PRMT1: variants seen among roughly 807,000 people sequenced by gnomAD.
PRMT1 encodes protein arginine methyltransferase 1, also known as protein arginine N-methyltransferase 1.
Under a neutral mutation model 47.4 loss-of-function variants are expected in PRMT1, and 5 were observed. That is an observed-to-expected ratio of 0.11 (90% CI 0.06 to 0.22). PRMT1 has a LOEUF of 0.22. Ranked by LOEUF, PRMT1 falls within the 10% of genes least tolerant of loss-of-function variation. The pLI is 1.00. For missense variants in PRMT1, 249 were observed against 518.4 expected, an observed-to-expected ratio of 0.48 and a Z score of 5.05; for synonymous variants, 227 against 204.6, an observed-to-expected ratio of 1.11 and a Z score of -0.94.
At position 49,688,290 on chromosome 19, in the gene PRMT1, CTA is replaced by C. The variant is rs750681224; in HGVS notation, c.*46_*47del. The stretch of plus-strand genomic sequence containing the variant: ...GCACGAGCCCAGGGGCTGAGCGTTC[CTA>C]GGCGGTTTCGGGGCTCCCCCTTCCT... On this transcript the variant is annotated 3_prime_UTR_variant, in exon 11 of 11. Coordinates refer to ENST00000454376, the MANE Select transcript of PRMT1 (RefSeq NM_001536.6). The surrounding 1 kb of genome is among the most constrained non-coding windows in gnomAD (Gnocchi z 5.3). The C allele has an allele frequency of 3.1e-6, 5 of 1,596,888 alleles. No individual in the cohort carries two copies. Among genetic ancestry groups the C allele is most frequent in the Non-Finnish European group, 4.3e-6 (5 of 1,166,718 alleles).
chr19:49,682,952 AT>A (rs992645880), intron 5 of PRMT1, among the ~76,000 whole-genome samples: 4 of 151,636 alleles, frequency 2.6e-5, no homozygotes, highest in South Asian at 4.2e-4. Flanking sequence ...CGCCCGGCTA[AT>A]TTTTTTGTTT....
chr19:49,678,586 T>C (rs1599935926), intron 1 of PRMT1, among the ~76,000 whole-genome samples: 1 of 152,234 alleles, frequency 6.6e-6, no homozygotes, highest in East Asian at 1.9e-4. Context: ...TGGCCCTTCT[T>C]GGAGACTTGG....
Position 49,688,102 on chromosome 19 carries a change from C to A in PRMT1, c.1033-60C>A. On this transcript the variant is annotated intron_variant, in intron 10 of 10. Transcript: ENST00000454376. This position sits in a 1 kb window ranked among gnomAD's most constrained non-coding sequence, Gnocchi z 5.3. ...CTCATCGTCGCATAGCCTGCCTGCA[C>A]CCGCCCCCCGCCACCACCTCCTGGT... 1 of 1,460,976 alleles carries A rather than the reference C, an allele frequency of 6.8e-7. No homozygotes were observed. Among genetic ancestry groups the A allele is most frequent in the Non-Finnish European group, 9.6e-7 (1 of 1,043,112 alleles). 90.5% of individuals were successfully genotyped at this position (1,460,976 alleles called of 1,614,324 possible).
chr19:49,686,566 G>GGGGCC, intron 9 of PRMT1, 39 bp from the exon 10 acceptor site: 1 of 1,315,710 alleles, frequency 7.6e-7, no homozygotes, highest in Non-Finnish European at 1.1e-6. Context: ...GTTGGGGGGG[G>GGGGCC]CAGCAGGCCG....
In PRMT1 at chr19:49,684,417, G is replaced by A. The variant is rs1459988476; in HGVS notation, c.556-337G>A. ...GTGGAACAGCAGGGAGGCCCGTGTGGAAGGAGGGTCTAGAACGGCAGCAGG... is the reference window on the plus strand; with the variant it reads ...GTGGAACAGCAGGGAGGCCCGTGTGAAAGGAGGGTCTAGAACGGCAGCAGG... On this transcript the variant is annotated intron_variant, in intron 6 of 10. Transcript: ENST00000454376. The surrounding 1 kb of genome is among the most constrained non-coding windows in gnomAD (Gnocchi z 6.2). 6.6e-6 allele frequency among the ~76,000 whole-genome samples: 1 copy of A among 152,104 alleles called. No individual in the cohort carries two copies. The highest frequency in any genetic ancestry group is 1.5e-5 in the Non-Finnish European group (1 of 67,990).
intron 10 of PRMT1, chr19:49,687,954 T>A (rs763001942): frequency 1.6e-6 from 1 of 609,214 alleles, no homozygotes; most frequent in African/African-American, 1.8e-5. Flanking sequence ...TACTCCTGAG[T>A]GAGTCTAGTG....
Position 49,684,738 on chromosome 19 carries a change from C to T in PRMT1, c.556-16C>T, listed in dbSNP as rs1427727622. On this transcript the variant is annotated splice_polypyrimidine_tract_variant and intron_variant, in intron 6 of 10. Coordinates refer to ENST00000454376, the MANE Select transcript of PRMT1 (RefSeq NM_001536.6). This position sits in a 1 kb window ranked among gnomAD's most constrained non-coding sequence, Gnocchi z 6.2. Reference sequence around the variant, plus strand: ...GCCAGGCCCCACCCTTCATGCCTCGCCCTGCCCCTCTGTAGGCGCCCGATG... The same window carrying T: ...GCCAGGCCCCACCCTTCATGCCTCGTCCTGCCCCTCTGTAGGCGCCCGATG... 5 of 1,550,454 alleles carry T rather than the reference C, an allele frequency of 3.2e-6. No homozygotes were observed. The highest frequency in any genetic ancestry group is 4.9e-5 in the East Asian group (2 of 40,942).
Position 49,685,596 on chromosome 19 carries a change from C to A in PRMT1, c.760-497C>A. 9.9e-7 allele frequency: 1 copy of A among 1,013,206 alleles called. No homozygotes were observed. The highest frequency in any genetic ancestry group is 1.2e-6 in the Non-Finnish European group (1 of 847,710). 62.8% of individuals were successfully genotyped at this position (1,013,206 alleles called of 1,614,324 possible). A position where few individuals can be genotyped will look rare whatever the true frequency, so the allele number is the denominator to read the frequency against. ...ATTTGTTGAGCTGGGATGTGTGAGCCGGGTGAAGCTGGGTGGCTGACCGGG... is the reference window on the plus strand; with the variant it reads ...ATTTGTTGAGCTGGGATGTGTGAGCAGGGTGAAGCTGGGTGGCTGACCGGG... On this transcript the variant is annotated intron_variant, in intron 8 of 10. Transcript: ENST00000454376. The surrounding 1 kb of genome is among the most constrained non-coding windows in gnomAD (Gnocchi z 4.7).
chr19:49,680,433 G>A lies in PRMT1; in HGVS notation c.91-54G>A. The A allele has an allele frequency of 2.8e-6, 4 of 1,427,382 alleles. No individual in the cohort carries two copies. The highest frequency in any genetic ancestry group is 4.0e-6 in the Non-Finnish European group (4 of 1,010,590). 88.4% of individuals were successfully genotyped at this position (1,427,382 alleles called of 1,614,324 possible). On this transcript the variant is annotated intron_variant, in intron 2 of 10. Coordinates refer to ENST00000454376, the MANE Select transcript of PRMT1 (RefSeq NM_001536.6). This position sits in a 1 kb window ranked among gnomAD's most constrained non-coding sequence, Gnocchi z 4.2. ...GAAAAGTAGGGCGCTGGAGGTTTAA[G>A]AGGCTGTGGGGAGCCCCCAGATCTG...
rs758621356 is a variant in PRMT1, at chr19:49,680,285, G to T, written c.91-202G>T. On this transcript the variant is annotated intron_variant, in intron 2 of 10. Transcript: ENST00000454376. This position sits in a 1 kb window ranked among gnomAD's most constrained non-coding sequence, Gnocchi z 4.2. ...GGGTGCTCCCCTGGATGGTGCTCTG[G>T]GGGGGTCCTGGAAGTGGAAAATGGG... 5 of 1,471,648 alleles carry T rather than the reference G, an allele frequency of 3.4e-6. No individual in the cohort carries two copies. Among genetic ancestry groups the T allele is most frequent in the Non-Finnish European group, 3.8e-6 (4 of 1,055,032 alleles). The allele number at this position is 1,471,648 out of a possible 1,614,324, so 91.2% of individuals were successfully genotyped here. A position where few individuals can be genotyped will look rare whatever the true frequency, so the allele number is the denominator to read the frequency against.
intron 1 of PRMT1, 139 bp downstream of exon 1, chr19:49,677,455 C>T (rs1052050373): frequency 3.1e-6 from 2 of 653,752 alleles, no homozygotes; most frequent in Non-Finnish European, 4.5e-6. Flanking sequence ...GCACGTTCCA[C>T]ATCCGGGGAT....
At chr19:49,677,656 A>C in intron 1 of PRMT1, 7 of 201,104 alleles carry the variant, frequency 3.5e-5, no homozygotes, top group East Asian at 1.0e-4. Flanking sequence ...GTGCGGGACA[A>C]AGGCCCCGCC....
chr19:49,679,881 G>A lies in PRMT1; in HGVS notation c.46G>A (p.Ala16Thr). 2 of 1,612,676 alleles carry A rather than the reference G, an allele frequency of 1.2e-6. No homozygotes were observed. Among genetic ancestry groups the A allele is most frequent in the Non-Finnish European group, 1.7e-6 (2 of 1,179,106 alleles). ...TGTTACTCTCTCCTAGAATTTTGTA[G>A]CCACCTTGGCTAATGGGATGAGCCT... The part of the protein sequence containing the change: ...AANCIMENFV[A>T]TLANGMSLQP... Residue 16 changes from alanine to threonine, a missense_variant, in exon 2 of 11, where the codon GCC (alanine) becomes ACC (threonine). Coordinates refer to ENST00000454376, the MANE Select transcript of PRMT1 (RefSeq NM_001536.6).
In PRMT1 at chr19:49,679,555, C is replaced by T. The variant is rs372784020; in HGVS notation, c.37-317C>T. On this transcript the variant is annotated intron_variant, in intron 1 of 10. Coordinates refer to ENST00000454376, the MANE Select transcript of PRMT1 (RefSeq NM_001536.6). The stretch of plus-strand genomic sequence containing the variant: ...GGTGATGAGAGGGAGCGACAGCTGG[C>T]GGTGGTGGGTGCCAATTCCCCTGGC... 7.8e-3 allele frequency: 5,052 copies of T among 645,798 alleles called. 36 individuals carry two copies. The highest frequency in any genetic ancestry group is 0.011 in the Non-Finnish European group (3,870 of 346,812). The allele number at this position is 645,798 out of a possible 1,614,324, so 40.0% of individuals were successfully genotyped here.
chr19:49,682,860 A>G (rs1238295242), intron 5 of PRMT1, among the ~76,000 whole-genome samples: 1 of 135,048 alleles, frequency 7.4e-6, no homozygotes, highest in African/African-American at 2.9e-5. Context: ...ATCTCAGCTC[A>G]CTGCAAGCTC....
Position 49,677,277 on chromosome 19 carries a change from G to C in PRMT1, c.-4G>C, listed in dbSNP as rs2082048232. 1 of 1,419,996 alleles carries C rather than the reference G, an allele frequency of 7.0e-7. No individual in the cohort carries two copies. The highest frequency in any genetic ancestry group is 1.5e-5 in the African/African-American group (1 of 67,388). The allele number at this position is 1,419,996 out of a possible 1,614,324, so 88.0% of individuals were successfully genotyped here. On this transcript the variant is annotated 5_prime_UTR_variant, in exon 1 of 11. Transcript: ENST00000454376. ...GGCCGGAGGAGGAGTAGGTGCGGGTGAAGATGGCGGCAGCCGAGGCCGCGA... is the reference window on the plus strand; with the variant it reads ...GGCCGGAGGAGGAGTAGGTGCGGGTCAAGATGGCGGCAGCCGAGGCCGCGA...
intron 1 of PRMT1, among the ~76,000 whole-genome samples, chr19:49,679,335 C>G (rs2082081381): frequency 1.3e-5 from 2 of 152,154 alleles, no homozygotes; most frequent in Non-Finnish European, 2.9e-5. Context: ...GAGCTGGGGT[C>G]TGGGGTACTA....
chr19:49,681,399 A>G lies in PRMT1; in HGVS notation c.193-511A>G, dbSNP rs969690152. Among the ~76,000 whole-genome samples, 2 of 151,966 alleles carry G rather than the reference A, an allele frequency of 1.3e-5. No individual in the cohort carries two copies. Among genetic ancestry groups the G allele is most frequent in the Admixed American group, 1.3e-4 (2 of 15,252 alleles). Reference sequence around the variant, plus strand: ...ACTGGTTCTTAGGTAGCAGTGGTGAAGTCCGGCCAAGATTGGAGTTTAGAC... The same window carrying G: ...ACTGGTTCTTAGGTAGCAGTGGTGAGGTCCGGCCAAGATTGGAGTTTAGAC... On this transcript the variant is annotated intron_variant, in intron 3 of 10. Coordinates refer to ENST00000454376, the MANE Select transcript of PRMT1 (RefSeq NM_001536.6). The surrounding 1 kb of genome is among the most constrained non-coding windows in gnomAD (Gnocchi z 4.4).
chr19:49,685,736 G>A lies in PRMT1; in HGVS notation c.760-357G>A, dbSNP rs1161590615. 7 of 1,077,502 alleles carry A rather than the reference G, an allele frequency of 6.5e-6. No individual in the cohort carries two copies. In the African/African-American group the frequency reaches 1.2e-4, roughly 18 times the overall value. The allele number at this position is 1,077,502 out of a possible 1,614,324, so 66.7% of individuals were successfully genotyped here. Reference sequence around the variant, plus strand: ...CCAGGGGAACTGGCGCAGGGTTTAGGTTGGCATTTGTGTTGCCGTTTGAAG... The same window carrying A: ...CCAGGGGAACTGGCGCAGGGTTTAGATTGGCATTTGTGTTGCCGTTTGAAG... On this transcript the variant is annotated intron_variant, in intron 8 of 10. Coordinates refer to ENST00000454376, the MANE Select transcript of PRMT1 (RefSeq NM_001536.6). This position sits in a 1 kb window ranked among gnomAD's most constrained non-coding sequence, Gnocchi z 4.7.
Sources: gnomAD v4.1 joint callset for allele counts (sites outside exome capture counted in the v4.1 genomes callset) on GRCh38, gnomAD v4.1.1 for gene constraint, Gnocchi (gnomAD v3.1) non-coding constraint, MANE v1.5 for transcripts, NCBI Gene and HGNC (gene_info 2026-07-23, HGNC 2026-07-21) for gene names.